DCAF6: variants seen among roughly 807,000 people sequenced by gnomAD.
DCAF6 encodes DDB1 and CUL4 associated factor 6, also known as DDB1- and CUL4-associated factor 6.
A neutral mutation model predicts 125.1 loss-of-function variants in DCAF6; 54 were observed. That is an observed-to-expected ratio of 0.43 (90% CI 0.35 to 0.54). The LOEUF (loss-of-function observed/expected upper bound fraction) is 0.54, where lower values mean the gene tolerates loss of function less well. DCAF6 is among the 20% of genes least tolerant of loss of function. The pLI, the probability that DCAF6 is intolerant of heterozygous loss-of-function variation, is 0.01. For missense variants in DCAF6, 934 were observed against 1,161.7 expected, an observed-to-expected ratio of 0.80 and a Z score of 2.85; for synonymous variants, 371 against 390.4, an observed-to-expected ratio of 0.95 and a Z score of 0.58.
intron 4 of DCAF6, among the ~76,000 whole-genome samples, chr1:167,985,787 C>T (rs140990750): frequency 1.6e-4 from 25 of 152,168 alleles, no homozygotes; most frequent in African/African-American, 5.3e-4. Context: ...GTGCTGGCAT[C>T]GTGTATTTGT....
chr1:168,072,294 T>TGAAAAAAAA (rs1693164135), intron 21 of DCAF6, among the ~76,000 whole-genome samples: 1 of 41,010 alleles, frequency 2.4e-5, no homozygotes, highest in Non-Finnish European at 4.5e-5. Context: ...AGAATCAGTC[T>TGAAAAAAAA]AAAAAAAAAA....
chr1:167,981,477 C>T, intron 4 of DCAF6, among the ~76,000 whole-genome samples: 1 of 152,116 alleles, frequency 6.6e-6, no homozygotes, highest in East Asian at 1.9e-4. Context: ...ATCCTGTTAC[C>T]CAGGAACTGA....
intron 1 of DCAF6, among the ~76,000 whole-genome samples, chr1:167,944,543 C>T (rs1672768664): frequency 6.6e-6 from 1 of 152,124 alleles, no homozygotes; most frequent in Non-Finnish European, 1.5e-5. Context: ...ATTTGATTTG[C>T]ATTTCTCTTA....
At chr1:168,003,283 T>A (rs975099048) in intron 8 of DCAF6, among the ~76,000 whole-genome samples, 1 of 152,162 alleles carries the variant, frequency 6.6e-6, no homozygotes, top group Non-Finnish European at 1.5e-5. Flanking sequence ...CATTACACTT[T>A]TAATTTGAAA....
the DCAF6 span, among the ~76,000 whole-genome samples, chr1:167,876,738 C>G: frequency 2.6e-5 from 4 of 152,252 alleles, no homozygotes; most frequent in Non-Finnish European, 5.9e-5. Context: ...GTACCTGTAT[C>G]TGTGCCCTTT....
At chr1:167,925,534 GT>G in the DCAF6 span, among the ~76,000 whole-genome samples, 7 of 77,530 alleles carry the variant, frequency 9.0e-5, no homozygotes, top group South Asian at 3.8e-4. Context: ...TTTTTTTTTG[GT>G]TTTTTTTTTG....
Position 168,031,268 on chromosome 1 carries a change from G to A in DCAF6, c.1610-7103G>A, listed in dbSNP as rs144208748. On this transcript the variant is annotated intron_variant, in intron 12 of 21. Coordinates refer to ENST00000367840, the MANE Select transcript of DCAF6 (RefSeq NM_001198956.2). ...TCTAAAATTAAAAGATTTTGCCAGC[G>A]AAGAGCTGGTAAAGGAGATTGAGAA... 4.6e-5 allele frequency among the ~76,000 whole-genome samples: 7 copies of A among 152,316 alleles called. No individual in the cohort carries two copies. In the East Asian group the frequency reaches 5.8e-4, roughly 13 times the overall value.
the DCAF6 span, among the ~76,000 whole-genome samples, chr1:167,895,779 A>G: frequency 6.6e-6 from 1 of 152,208 alleles, no homozygotes; most frequent in African/African-American, 2.4e-5. Flanking sequence ...CAGTCTTCTC[A>G]CTTGCCTCAT....
intron 17 of DCAF6, among the ~76,000 whole-genome samples, chr1:168,061,677 C>T (rs1345745990): frequency 6.6e-6 from 1 of 152,044 alleles, no homozygotes; most frequent in Non-Finnish European, 1.5e-5. Context: ...TATGTATTTA[C>T]ATATTTTAAG....
rs1174311541 is a variant in DCAF6 at position 168,023,246 on chromosome 1, C to T, written c.1609+199C>T. ...ATACAGATTATTTTCTATGTAAGCT[C>T]ATTTCTCACTTTGGCCCTTGATGCC... On this transcript the variant is annotated intron_variant, in intron 12 of 21. Coordinates refer to ENST00000367840, the MANE Select transcript of DCAF6 (RefSeq NM_001198956.2). The T allele has an allele frequency of 8.5e-6, 5 of 587,018 alleles. No individual in the cohort carries two copies. In the East Asian group the frequency reaches 1.4e-4, roughly 16 times the overall value. 36.4% of individuals were successfully genotyped at this position (587,018 alleles called of 1,614,324 possible).
At chr1:167,877,424 C>G in the DCAF6 span, among the ~76,000 whole-genome samples, 1 of 151,740 alleles carries the variant, frequency 6.6e-6, no homozygotes, top group African/African-American at 2.4e-5. Context: ...GACACCTTGA[C>G]CCAACTGCAG....
the DCAF6 span, among the ~76,000 whole-genome samples, chr1:167,893,036 A>G: frequency 6.6e-6 from 1 of 152,234 alleles, no homozygotes; most frequent in Non-Finnish European, 1.5e-5. Flanking sequence ...ATGGTGAGTG[A>G]TAAGAGATAG....
chr1:168,029,989 A>AG (rs1220269948), intron 12 of DCAF6, among the ~76,000 whole-genome samples: 6 of 151,982 alleles, frequency 3.9e-5, no homozygotes, highest in South Asian at 4.2e-4. Context: ...CAAAAAAAAA[A>AG]AAAAGAAAAG....
Position 168,068,354 on chromosome 1 carries a change from G to C in DCAF6, c.2686-4G>C, listed in dbSNP as rs763026973. The C allele has an allele frequency of 1.9e-6, 3 of 1,599,406 alleles. No homozygotes were observed. Among genetic ancestry groups the C allele is most frequent in the Admixed American group, 1.7e-5 (1 of 59,350 alleles). On this transcript the variant is annotated splice_polypyrimidine_tract_variant and splice_region_variant and intron_variant, in intron 20 of 21. Coordinates refer to ENST00000367840, the MANE Select transcript of DCAF6 (RefSeq NM_001198956.2). The stretch of plus-strand genomic sequence containing the variant: ...TTTGATACGATTTTTAACTTGCCTT[G>C]TAGGTTATAACTCGAAACGAACTCA...
the DCAF6 span, among the ~76,000 whole-genome samples, chr1:167,889,786 T>C: frequency 6.6e-6 from 1 of 152,246 alleles, no homozygotes; most frequent in Non-Finnish European, 1.5e-5. Flanking sequence ...TATAGGAGTT[T>C]ATACATTTCT....
chr1:168,026,758 G>C (rs116250729), intron 12 of DCAF6, among the ~76,000 whole-genome samples: 1 of 152,026 alleles, frequency 6.6e-6, no homozygotes, highest in Admixed American at 6.6e-5. Context: ...TATCCACGTG[G>C]AGAGATCTCA....
At chr1:167,983,377 T>G (rs1021018088) in intron 4 of DCAF6, among the ~76,000 whole-genome samples, 2 of 152,240 alleles carry the variant, frequency 1.3e-5, no homozygotes, top group Non-Finnish European at 2.9e-5. Context: ...CTAATTCTGT[T>G]AAATCTGCAT....
chr1:167,951,945 A>G, intron 2 of DCAF6, 84 bp downstream of exon 2: 1 of 810,232 alleles, frequency 1.2e-6, no homozygotes, highest in Non-Finnish European at 2.0e-6. Flanking sequence ...TCCTCCCAGA[A>G]AGGATTGTGA....
At chr1:168,015,257 A>C (rs768134227) in intron 10 of DCAF6, among the ~76,000 whole-genome samples, 3 of 152,230 alleles carry the variant, frequency 2.0e-5, no homozygotes, top group Non-Finnish European at 2.9e-5. Flanking sequence ...TTAAAATGAC[A>C]ATTCTAACAT....
Sources: allele counts gnomAD v4.1 joint callset (sites outside exome capture counted in the v4.1 genomes callset), GRCh38; gene constraint gnomAD v4.1.1; transcripts MANE v1.5; gene names NCBI Gene and HGNC (gene_info 2026-07-23, HGNC 2026-07-21).